The following TIAM1 variants were observed in gnomAD, a reference collection of about 807,000 sequenced individuals.
The protein encoded by TIAM1 is TIAM Rac1 associated GEF 1.
Under a neutral mutation model 163.5 loss-of-function variants are expected in TIAM1, and 65 were observed. That is an observed-to-expected ratio of 0.40 (90% CI 0.33 to 0.49). TIAM1 has a LOEUF of 0.49. TIAM1 is among the 20% of genes least tolerant of loss of function. TIAM1 has a pLI of 0.77. For missense variants in TIAM1, 1,789 were observed against 2,044.7 expected, an observed-to-expected ratio of 0.87 and a Z score of 2.41; for synonymous variants, 833 against 810.1, an observed-to-expected ratio of 1.03 and a Z score of -0.48.
Position 31,302,229 on chromosome 21 carries a change from A to T in TIAM1, c.-188-25321T>A, listed in dbSNP as rs558654149. On this transcript the variant is annotated intron_variant, in intron 2 of 27. Transcript: ENST00000541036. ...AAATCACTTTAAGTAACTGTCTTAT[A>T]TAAAATTAAACCTTTACAACACAAA... Among the ~76,000 whole-genome samples the T allele has an allele frequency of 2.3e-3, 353 of 152,340 alleles. 1 individual carries two copies. The highest frequency in any genetic ancestry group is 5.9e-3 in the Admixed American group (90 of 15,302).
intron 12 of TIAM1, among the ~76,000 whole-genome samples, chr21:31,201,513 C>T (rs1367443653): frequency 6.6e-6 from 1 of 152,204 alleles, no homozygotes; most frequent in Non-Finnish European, 1.5e-5. Context: ...AGCATGATCA[C>T]AGCAGTGGAA....
chr21:31,226,055 A>G (rs1050960022), intron 6 of TIAM1, 105 bp from the exon 7 acceptor site: 4 of 903,028 alleles, frequency 4.4e-6, no homozygotes, highest in Non-Finnish European at 6.8e-6. Context: ...TCGAGGTGAC[A>G]GGTCTAGACA....
intron 2 of TIAM1, among the ~76,000 whole-genome samples, chr21:31,370,024 C>T (rs2076569849): frequency 6.6e-6 from 1 of 152,154 alleles, no homozygotes; most frequent in Non-Finnish European, 1.5e-5. Context: ...ACCCCTTTCC[C>T]TTCCACCACA....
chr21:31,506,010 CAAAA>C (rs141958932), intron 1 of TIAM1, among the ~76,000 whole-genome samples: 6 of 84,142 alleles, frequency 7.1e-5, no homozygotes, highest in Admixed American at 1.4e-4. Context: ...GACTCTGCCT[CAAAA>C]AAAAAAAAAA....
At chr21:31,168,242 G>A (rs571981880) in intron 15 of TIAM1, among the ~76,000 whole-genome samples, 11 of 151,824 alleles carry the variant, frequency 7.2e-5, no homozygotes, top group African/African-American at 1.2e-4. Context: ...ACAGGTGCCC[G>A]TCACCACGCT....
chr21:31,443,327 G>A (rs2044504363), intron 2 of TIAM1, among the ~76,000 whole-genome samples: 1 of 152,134 alleles, frequency 6.6e-6, no homozygotes, highest in Non-Finnish European at 1.5e-5. Flanking sequence ...GGGAAGTAGG[G>A]GAGGCAACAT....
chr21:31,509,195 C>T (rs1480225983), intron 1 of TIAM1, among the ~76,000 whole-genome samples: 1 of 152,270 alleles, frequency 6.6e-6, no homozygotes, highest in Non-Finnish European at 1.5e-5. Context: ...CCGACAAACC[C>T]TACCTGCTGA....
chr21:31,394,698 T>G (rs1247027745), intron 2 of TIAM1, among the ~76,000 whole-genome samples: 2 of 130,814 alleles, frequency 1.5e-5, no homozygotes, highest in African/African-American at 6.2e-5. Context: ...TCTCTCTCTC[T>G]CTCTCTCTCG....
At chr21:31,426,736 G>C (rs965462676) in intron 2 of TIAM1, among the ~76,000 whole-genome samples, 12 of 152,000 alleles carry the variant, frequency 7.9e-5, no homozygotes, top group African/African-American at 2.9e-4. Context: ...TTTCATGCCA[G>C]TTCTTAGTGA....
intron 6 of TIAM1, among the ~76,000 whole-genome samples, chr21:31,231,356 T>A (rs982765966): frequency 6.6e-6 from 1 of 151,850 alleles, no homozygotes; most frequent in Non-Finnish European, 1.5e-5. Flanking sequence ...CATAACGGAG[T>A]CTGTGTAGTG....
At chr21:31,398,629 C>A (rs2077113544) in intron 2 of TIAM1, among the ~76,000 whole-genome samples, 1 of 152,176 alleles carries the variant, frequency 6.6e-6, no homozygotes, top group Non-Finnish European at 1.5e-5. Context: ...GTACACAGTT[C>A]CCAGACAGGA....
intron 1 of TIAM1, among the ~76,000 whole-genome samples, chr21:31,478,945 G>A (rs969189530): frequency 2.0e-5 from 3 of 152,204 alleles, no homozygotes; most frequent in African/African-American, 7.2e-5. Context: ...GAAATATTAA[G>A]AGCCAACTGC....
intron 1 of TIAM1, among the ~76,000 whole-genome samples, chr21:31,485,072 C>A (rs2046228895): frequency 6.7e-6 from 1 of 150,230 alleles, no homozygotes; most frequent in African/African-American, 2.5e-5. Flanking sequence ...GCCAAATAAA[C>A]TTCTGTTCTT....
intron 2 of TIAM1, among the ~76,000 whole-genome samples, chr21:31,453,856 T>C (rs2044981965): frequency 1.3e-5 from 2 of 152,146 alleles, no homozygotes; most frequent in African/African-American, 4.8e-5. Flanking sequence ...CCTGGCCTGC[T>C]TGACCTCGCT....
chr21:31,276,580 G>C (rs377376590), intron 3 of TIAM1, among the ~76,000 whole-genome samples, 152 bp downstream of exon 3: 4 of 152,204 alleles, frequency 2.6e-5, no homozygotes, highest in East Asian at 3.8e-4. Context: ...TGTCAGATAG[G>C]TGTAACCCTA....
In TIAM1 at chr21:31,310,645, G is replaced by A. The variant is rs553562116; in HGVS notation, c.-189+28598C>T. On this transcript the variant is annotated intron_variant, in intron 2 of 27. Coordinates refer to ENST00000541036, the MANE Select transcript of TIAM1 (RefSeq NM_001353694.2). ...TGATTCCTAAAAATCCAGGTCACTC[G>A]CTGCCTTTCAGACGCAGAAGGTAAC... is the stretch of plus-strand genomic sequence containing the variant. Among the ~76,000 whole-genome samples the A allele has an allele frequency of 1.3e-4, 20 of 152,232 alleles. No homozygotes were observed. In the South Asian group the frequency reaches 2.5e-3, roughly 19 times the overall value.
At chr21:31,472,457 G>A (rs1008546903) in intron 1 of TIAM1, among the ~76,000 whole-genome samples, 1 of 152,158 alleles carries the variant, frequency 6.6e-6, no homozygotes, top group Non-Finnish European at 1.5e-5. Context: ...AACACAGGGG[G>A]CAGAGGTTTC....
intron 2 of TIAM1, among the ~76,000 whole-genome samples, chr21:31,460,613 G>A (rs1299624000): frequency 7.9e-5 from 12 of 152,298 alleles, no homozygotes; most frequent in Non-Finnish European, 1.0e-4. Context: ...GCAACAGAGC[G>A]AGACTCTGTC....
chr21:31,403,985 C>T (rs1174601665), intron 2 of TIAM1, among the ~76,000 whole-genome samples: 5 of 152,108 alleles, frequency 3.3e-5, no homozygotes, highest in Non-Finnish European at 7.4e-5. Context: ...GCCAAGCAGG[C>T]GACACTTAGC....
Sources: allele counts gnomAD v4.1 joint callset (sites outside exome capture counted in the v4.1 genomes callset), GRCh38; gene constraint gnomAD v4.1.1; transcripts MANE v1.5; gene names NCBI Gene and HGNC (gene_info 2026-07-23, HGNC 2026-07-21).